LRRC4C: variants seen among roughly 807,000 people sequenced by gnomAD.
The protein encoded by LRRC4C is leucine-rich repeat-containing protein 4C.
Under a neutral mutation model 33.6 loss-of-function variants are expected in LRRC4C, and 5 were observed. That is an observed-to-expected ratio of 0.15 (90% CI 0.08 to 0.31). The LOEUF is 0.31. Among genes scored for constraint, LRRC4C ranks in the 10% least tolerant of loss-of-function variants. The pLI is 1.00. For missense variants in LRRC4C, 560 were observed against 796.7 expected, an observed-to-expected ratio of 0.70 and a Z score of 3.58; for synonymous variants, 329 against 302.0, an observed-to-expected ratio of 1.09 and a Z score of -0.93.
intron 3 of LRRC4C, among the ~76,000 whole-genome samples, chr11:40,444,116 GTA>G (rs1951518461): frequency 6.6e-6 from 1 of 152,066 alleles, no homozygotes; most frequent in South Asian, 2.1e-4. Flanking sequence ...GTGCAGTGTT[GTA>G]ACACTTTATG....
chr11:40,663,306 C>G (rs1209035082), intron 2 of LRRC4C, among the ~76,000 whole-genome samples: 1 of 152,170 alleles, frequency 6.6e-6, no homozygotes, highest in Non-Finnish European at 1.5e-5. Flanking sequence ...TGGTTTCGAA[C>G]TCCTAACCTT....
intron 1 of LRRC4C, among the ~76,000 whole-genome samples, chr11:40,938,370 T>C (rs12287232): frequency 6.6e-6 from 1 of 151,902 alleles, no homozygotes; most frequent in South Asian, 2.1e-4. Context: ...TACTTGATAA[T>C]GTACTGAGGA....
At chr11:40,432,237 G>A (rs548228511) in intron 3 of LRRC4C, among the ~76,000 whole-genome samples, 18 of 151,636 alleles carry the variant, frequency 1.2e-4, no homozygotes, top group Non-Finnish European at 2.2e-4. Flanking sequence ...TCCTGCCCAA[G>A]ACTTCTCCTT....
At chr11:40,754,871 T>G (rs1948870170) in intron 2 of LRRC4C, among the ~76,000 whole-genome samples, 1 of 152,108 alleles carries the variant, frequency 6.6e-6, no homozygotes, top group African/African-American at 2.4e-5. Flanking sequence ...TTCATCAATA[T>G]TGGTGAAGCA....
chr11:40,402,569 C>T (rs1235717398), intron 3 of LRRC4C, among the ~76,000 whole-genome samples: 7 of 152,048 alleles, frequency 4.6e-5, no homozygotes, highest in Non-Finnish European at 7.4e-5. Flanking sequence ...TTCACTTGGG[C>T]AAATGCCAAA....
At chr11:40,265,492 A>G (rs1029344976) in intron 4 of LRRC4C, among the ~76,000 whole-genome samples, 5 of 152,200 alleles carry the variant, frequency 3.3e-5, no homozygotes, top group African/African-American at 4.8e-5. Flanking sequence ...TCTCTTTTGC[A>G]ACCCCAAAGT....
intron 2 of LRRC4C, among the ~76,000 whole-genome samples, chr11:40,691,010 A>C (rs943107088): frequency 6.6e-6 from 1 of 152,058 alleles, no homozygotes; most frequent in Admixed American, 6.6e-5. Flanking sequence ...TAAAGTTCAC[A>C]ACATCTACCT....
chr11:40,859,574 T>A (rs979654994), intron 2 of LRRC4C, among the ~76,000 whole-genome samples: 3 of 152,068 alleles, frequency 2.0e-5, no homozygotes, highest in African/African-American at 7.2e-5. Flanking sequence ...AATGACCATA[T>A]GACCCAGCAA....
chr11:41,086,065 C>T (rs76158233), intron 1 of LRRC4C, among the ~76,000 whole-genome samples: 261 of 152,018 alleles, frequency 1.7e-3, no homozygotes, highest in African/African-American at 5.9e-3. Flanking sequence ...ATTAAGTGTA[C>T]CCAATCTGAA....
intron 2 of LRRC4C, among the ~76,000 whole-genome samples, chr11:40,902,017 C>CT (rs1286111940): frequency 6.7e-6 from 1 of 149,480 alleles, no homozygotes; most frequent in East Asian, 2.0e-4. Flanking sequence ...CACACACACA[C>CT]ACACACACAC....
chr11:41,012,477 T>C (rs986976417), intron 1 of LRRC4C, among the ~76,000 whole-genome samples: 3 of 152,224 alleles, frequency 2.0e-5, no homozygotes, highest in African/African-American at 7.2e-5. Context: ...TCTTTATCCA[T>C]TCATCCACTG....
intron 3 of LRRC4C, among the ~76,000 whole-genome samples, chr11:40,541,665 C>G (rs910400532): frequency 2.0e-5 from 3 of 152,080 alleles, no homozygotes; most frequent in African/African-American, 7.2e-5. Flanking sequence ...TTGGTTACCT[C>G]CCCTGGTTAT....
chr11:40,497,674 T>C (rs1026687069), intron 3 of LRRC4C, among the ~76,000 whole-genome samples: 11 of 152,232 alleles, frequency 7.2e-5, no homozygotes, highest in African/African-American at 2.4e-4. Context: ...AGCTCCCATT[T>C]GCATAGCAGA....
intron 2 of LRRC4C, among the ~76,000 whole-genome samples, chr11:40,840,167 A>G (rs1427530849): frequency 6.6e-6 from 1 of 152,194 alleles, no homozygotes; most frequent in East Asian, 1.9e-4. Context: ...TTATAGAGAT[A>G]ATATTACAGT....
intron 3 of LRRC4C, among the ~76,000 whole-genome samples, chr11:40,594,066 C>T (rs550959853): frequency 9.8e-5 from 15 of 152,288 alleles, no homozygotes; most frequent in Non-Finnish European, 1.2e-4. Context: ...TCTTGGCCTG[C>T]TTTGTTTTCA....
In LRRC4C at chr11:41,079,114, G is replaced by C. The variant is rs150824618; in HGVS notation, c.-495-145391C>G. 1.5e-3 allele frequency among the ~76,000 whole-genome samples: 221 copies of C among 152,258 alleles called. 1 individual carries two copies. Among genetic ancestry groups the C allele is most frequent in the South Asian group, 7.3e-3 (35 of 4,826 alleles). ...CTAACACCTTTACGATTGTCTAAAA[G>C]GCCCATATCTTTGGCCATAGGTGAT... is the stretch of plus-strand genomic sequence containing the variant. On this transcript the variant is annotated intron_variant, in intron 1 of 6. Transcript: ENST00000528697.
At chr11:41,135,204 A>G (rs1362451281) in intron 1 of LRRC4C, among the ~76,000 whole-genome samples, 3 of 152,096 alleles carry the variant, frequency 2.0e-5, no homozygotes, top group Admixed American at 6.6e-5. Context: ...TCTGCTAAAA[A>G]TCTCTCTAAT....
intron 1 of LRRC4C, among the ~76,000 whole-genome samples, chr11:41,389,639 C>CAAAAAAAAA (rs56194204): frequency 0.1 from 8,369 of 80,824 alleles, 656 homozygotes; most frequent in East Asian, 0.19. Flanking sequence ...CAGTGAGCAG[C>CAAAAAAAAA]AAAAAAAAAA....
chr11:40,609,750 C>G (rs4345953), intron 3 of LRRC4C, among the ~76,000 whole-genome samples: 145,112 of 151,962 alleles, frequency 0.95, 69,615 homozygotes, highest in Middle Eastern at 1. Flanking sequence ...AAGATTATAA[C>G]AGTTTACTAT....
Sources: allele counts gnomAD v4.1 joint callset (sites outside exome capture counted in the v4.1 genomes callset), GRCh38; gene constraint gnomAD v4.1.1; transcripts MANE v1.5; gene names NCBI Gene and HGNC (gene_info 2026-07-23, HGNC 2026-07-21).